NRCAM: variants seen among roughly 807,000 people sequenced by gnomAD.
The protein encoded by NRCAM is NgCAM-related cell adhesion molecule.
Under a neutral mutation model 156.5 loss-of-function variants are expected in NRCAM, and 83 were observed. The ratio of observed to expected loss-of-function variants is 0.53; its 90% confidence interval spans 0.44 to 0.64. NRCAM has a LOEUF of 0.64. Among genes scored for constraint, NRCAM ranks in the 30% least tolerant of loss-of-function variants. NRCAM has a pLI of 0.00. For synonymous variants in NRCAM, 538 were observed against 563.9 expected (o/e 0.95, Z 0.65); for missense variants, 1,417 against 1,597.3 (o/e 0.89, Z 1.92).
intron 13 of NRCAM, among the ~76,000 whole-genome samples, chr7:108,199,633 A>G (rs972630688): frequency 2.0e-5 from 3 of 152,144 alleles, no homozygotes; most frequent in Non-Finnish European, 2.9e-5. Flanking sequence ...CTCTCTGATC[A>G]TTCTTCCATA....
chr7:108,158,965 G>A (rs1489507587), intron 32 of NRCAM, among the ~76,000 whole-genome samples: 1 of 152,140 alleles, frequency 6.6e-6, no homozygotes, highest in Non-Finnish European at 1.5e-5. Flanking sequence ...TTCTTAATAA[G>A]TAACAGCTTG....
intron 3 of NRCAM, among the ~76,000 whole-genome samples, chr7:108,291,063 G>A (rs563815665): frequency 9.2e-5 from 14 of 152,182 alleles, no homozygotes; most frequent in Admixed American, 3.9e-4. Flanking sequence ...TGCGAAAACC[G>A]GCGAGTCCAG....
chr7:108,405,346 T>C (rs540649259), intron 1 of NRCAM, among the ~76,000 whole-genome samples: 7 of 152,332 alleles, frequency 4.6e-5, no homozygotes, highest in African/African-American at 1.7e-4. Context: ...TTTTCGGGTA[T>C]GAAAAAGGCA....
chr7:108,298,531 T>C (rs1240412939), intron 3 of NRCAM, among the ~76,000 whole-genome samples: 1 of 151,180 alleles, frequency 6.6e-6, no homozygotes, highest in Non-Finnish European at 1.5e-5. Context: ...TGGACGCCTA[T>C]AGTCCCAGCT....
chr7:108,270,889 T>A (rs1162789275), intron 3 of NRCAM, among the ~76,000 whole-genome samples: 11 of 152,216 alleles, frequency 7.2e-5, no homozygotes, highest in Non-Finnish European at 1.6e-4. Flanking sequence ...AGTTCAGAGT[T>A]ACTATAAATG....
At chr7:108,347,184 C>T (rs1405196175) in intron 2 of NRCAM, among the ~76,000 whole-genome samples, 2 of 151,674 alleles carry the variant, frequency 1.3e-5, no homozygotes, top group Non-Finnish European at 2.9e-5. Context: ...ACTACAGGCG[C>T]CTGCCACCAT....
intron 30 of NRCAM, among the ~76,000 whole-genome samples, chr7:108,163,548 T>G (rs916939125): frequency 4.6e-5 from 7 of 152,212 alleles, no homozygotes; most frequent in Admixed American, 4.6e-4. Context: ...TAACCAAAGT[T>G]TGGAGACAAC....
At chr7:108,157,223 T>A (rs1313098374) in intron 32 of NRCAM, among the ~76,000 whole-genome samples, 1 of 152,164 alleles carries the variant, frequency 6.6e-6, no homozygotes, top group East Asian at 1.9e-4. Flanking sequence ...TGTCTTCGTG[T>A]CAATTGGGTT....
chr7:108,396,694 T>C (rs1009234601), intron 2 of NRCAM, among the ~76,000 whole-genome samples: 5 of 152,220 alleles, frequency 3.3e-5, no homozygotes, highest in African/African-American at 7.2e-5. Flanking sequence ...CACCTGTAAA[T>C]ATGACTAATT....
Position 108,231,125 on chromosome 7 carries a change from A to G in NRCAM, c.456T>C (p.Leu152=). ...SRSPLWTKEK[L]EPITLQSGQS... is the part of the protein sequence containing the mutation. ...GACCACTTTGAAGTGTGATTGGTTC[A>G]AGTTTTTCTTTGGTCCACAATGGTG... Residue 152 remains leucine, a synonymous_variant, in exon 8 of 33, where the codon CTT becomes CTC. Transcript: ENST00000379028. 1 of 1,605,458 alleles carries G rather than the reference A, an allele frequency of 6.2e-7. No homozygotes were observed. Among genetic ancestry groups the G allele is most frequent in the Middle Eastern group, 1.7e-4 (1 of 6,030 alleles).
At chr7:108,404,821 G>A (rs952543791) in intron 1 of NRCAM, among the ~76,000 whole-genome samples, 3 of 152,186 alleles carry the variant, frequency 2.0e-5, no homozygotes, top group East Asian at 1.9e-4. Flanking sequence ...CCTGCCACCC[G>A]AATGTGGAGG....
chr7:108,178,369 A>C (rs531767284), intron 25 of NRCAM: 35 of 474,304 alleles, frequency 7.4e-5, no homozygotes, highest in African/African-American at 6.5e-4. Flanking sequence ...CTTTAGATGG[A>C]CTCAAACCTA....
intron 2 of NRCAM, among the ~76,000 whole-genome samples, chr7:108,316,409 C>T (rs1272296002): frequency 1.3e-5 from 2 of 152,166 alleles, no homozygotes; most frequent in African/African-American, 4.8e-5. Flanking sequence ...GTCTATAGTA[C>T]TCTGTTGCAC....
In NRCAM at chr7:108,147,931, C is replaced by T. The variant is rs973812847; in HGVS notation, c.*1979G>A. On this transcript the variant is annotated 3_prime_UTR_variant, in exon 33 of 33. Coordinates refer to ENST00000379028, the MANE Select transcript of NRCAM (RefSeq NM_001037132.4). ...CAAAATATTGGCAAATTTAAAGTAA[C>T]TTTTAATCTTTGTGCTCTCTGATGC... The T allele has an allele frequency of 3.3e-5, 5 of 152,760 alleles. No homozygotes were observed. In the East Asian group the frequency reaches 9.6e-4, roughly 29 times the overall value. The allele number at this position is 152,760 out of a possible 1,614,324, so 9.5% of individuals were successfully genotyped here.
chr7:108,299,710 C>G (rs1592314390), intron 3 of NRCAM, among the ~76,000 whole-genome samples: 2 of 152,208 alleles, frequency 1.3e-5, no homozygotes, highest in Admixed American at 1.3e-4. Context: ...CATATGAGAC[C>G]TTATTTGTCA....
chr7:108,274,870 T>G (rs1289177319), intron 3 of NRCAM, among the ~76,000 whole-genome samples: 1 of 152,176 alleles, frequency 6.6e-6, no homozygotes, highest in Non-Finnish European at 1.5e-5. Flanking sequence ...ACATTAGCTG[T>G]GGGTTTGTCA....
At chr7:108,381,900 T>C (rs1295088745) in intron 2 of NRCAM, among the ~76,000 whole-genome samples, 3 of 152,128 alleles carry the variant, frequency 2.0e-5, no homozygotes, top group Non-Finnish European at 4.4e-5. Context: ...GGTAATCTCA[T>C]CCTATCTAGG....
At chr7:108,254,552 T>TTTATTTA (rs373850427) in intron 3 of NRCAM, among the ~76,000 whole-genome samples, 3,784 of 66,956 alleles carry the variant, frequency 0.057, 202 homozygotes, top group African/African-American at 0.25. Flanking sequence ...ACAATTTTGC[T>TTTATTTA]TTTTTTTTTT....
chr7:108,177,696 TACAC>T (rs1443714425), intron 26 of NRCAM, among the ~76,000 whole-genome samples: 18 of 19,856 alleles, frequency 9.1e-4, no homozygotes, highest in Admixed American at 3.2e-3. Context: ...TATATATATA[TACAC>T]GTATATATAT....
Sources: gnomAD v4.1 joint callset for allele counts (sites outside exome capture counted in the v4.1 genomes callset) on GRCh38, gnomAD v4.1.1 for gene constraint, MANE v1.5 for transcripts, NCBI Gene and HGNC (gene_info 2026-07-23, HGNC 2026-07-21) for gene names.